The following AGMO variants were observed in gnomAD, a reference collection of about 807,000 sequenced individuals.
AGMO encodes glyceryl-ether monooxygenase.
A neutral mutation model predicts 60.2 loss-of-function variants in AGMO; 75 were observed. The observed-to-expected ratio is 1.25, with a 90% CI of 1.03 to 1.51. The LOEUF is 1.51. Among genes scored for constraint, AGMO ranks in the 40% most tolerant of loss-of-function variants. The pLI, the probability that AGMO is intolerant of heterozygous loss-of-function variation, is 0.00. For missense variants in AGMO, 763 were observed against 525.5 expected, an observed-to-expected ratio of 1.45 and a Z score of -4.42; for synonymous variants, 261 against 177.1, an observed-to-expected ratio of 1.47 and a Z score of -3.76.
At chr7:15,127,438 A>G in the AGMO span, among the ~76,000 whole-genome samples, 1 of 152,246 alleles carries the variant, frequency 6.6e-6, no homozygotes, top group Non-Finnish European at 1.5e-5. Flanking sequence ...ATCTTCAGAA[A>G]AAAATTATCT....
rs183917867 is a variant in AGMO at position 15,296,507 on chromosome 7, C to A, written c.1263+69007G>T. On this transcript the variant is annotated intron_variant, in intron 12 of 12. Coordinates refer to ENST00000342526, the MANE Select transcript of AGMO (RefSeq NM_001004320.2). ...TAAATTCCCTTGCTCACAGTGCCAT[C>A]CTTTCCAAGAGAAGACAGCCACTCT... Among the ~76,000 whole-genome samples the A allele has an allele frequency of 3.9e-5, 6 of 152,260 alleles. No individual in the cohort carries two copies. The East Asian group carries it at 1.2e-3, about 29-fold the overall frequency.
At chr7:15,403,162 G>C (rs927743316) in intron 5 of AGMO, among the ~76,000 whole-genome samples, 5 of 151,596 alleles carry the variant, frequency 3.3e-5, no homozygotes, top group African/African-American at 4.8e-5. Flanking sequence ...ACTTATAATT[G>C]GCACAAGCAT....
At chr7:15,155,625 T>C in the AGMO span, among the ~76,000 whole-genome samples, 5 of 151,980 alleles carry the variant, frequency 3.3e-5, no homozygotes, top group East Asian at 9.7e-4. Context: ...CTGAATTCTG[T>C]GTTTGTCATT....
intron 3 of AGMO, among the ~76,000 whole-genome samples, chr7:15,527,613 G>C (rs1437342297): frequency 6.6e-6 from 1 of 152,166 alleles, no homozygotes; most frequent in Non-Finnish European, 1.5e-5. Flanking sequence ...ACCATTCAAG[G>C]TGGCTGCACT....
intron 12 of AGMO, among the ~76,000 whole-genome samples, chr7:15,265,536 C>A (rs1232701132): frequency 1.3e-5 from 2 of 151,712 alleles, no homozygotes; most frequent in East Asian, 1.9e-4. Context: ...AAAAGATATT[C>A]AAAATAACTG....
intron 12 of AGMO, among the ~76,000 whole-genome samples, chr7:15,277,732 G>T (rs1238585433): frequency 6.6e-6 from 1 of 152,156 alleles, no homozygotes; most frequent in Non-Finnish European, 1.5e-5. Flanking sequence ...AGATGGGTAT[G>T]TACTTGATCT....
chr7:15,519,045 G>A (rs1350038688), intron 3 of AGMO, among the ~76,000 whole-genome samples: 1 of 151,458 alleles, frequency 6.6e-6, no homozygotes, highest in Admixed American at 6.6e-5. Flanking sequence ...TAGCCGAACT[G>A]ACAAGCAGAA....
intron 12 of AGMO, among the ~76,000 whole-genome samples, chr7:15,303,491 A>C (rs947971248): frequency 2.0e-5 from 3 of 151,722 alleles, no homozygotes; most frequent in Non-Finnish European, 1.5e-5. Context: ...TCTTTTCTGG[A>C]AACAGGAACA....
intron 2 of AGMO, among the ~76,000 whole-genome samples, chr7:15,553,498 C>T (rs1001351438): frequency 2.0e-5 from 3 of 151,882 alleles, no homozygotes; most frequent in Non-Finnish European, 4.4e-5. Flanking sequence ...ATATGAAGAG[C>T]CTACTAAGTG....
At chr7:15,192,269 C>G in the AGMO span, among the ~76,000 whole-genome samples, 6 of 149,308 alleles carry the variant, frequency 4.0e-5, no homozygotes, top group Middle Eastern at 3.2e-3. Context: ...CCATGCCCCC[C>G]ACATCCTGTA....
At chr7:15,350,689 T>C (rs1216867360) in intron 12 of AGMO, among the ~76,000 whole-genome samples, 1 of 152,156 alleles carries the variant, frequency 6.6e-6, no homozygotes, top group Non-Finnish European at 1.5e-5. Context: ...ATGAGGGATA[T>C]TTTACCTCAG....
At chr7:15,536,914 C>CT (rs200872490) in intron 3 of AGMO, among the ~76,000 whole-genome samples, 17 of 150,826 alleles carry the variant, frequency 1.1e-4, no homozygotes, top group South Asian at 2.1e-4. Flanking sequence ...CTTGATTTGA[C>CT]TTTTTTTTTG....
At chr7:15,393,249 C>T (rs1784223355) in intron 6 of AGMO, among the ~76,000 whole-genome samples, 2 of 152,300 alleles carry the variant, frequency 1.3e-5, no homozygotes, top group Admixed American at 1.3e-4. Flanking sequence ...AGGGACCTGC[C>T]CTTCTTGGAA....
the AGMO span, among the ~76,000 whole-genome samples, chr7:15,118,132 T>G: frequency 5.4e-3 from 795 of 147,148 alleles, 6 homozygotes; most frequent in African/African-American, 0.019. Flanking sequence ...TGCATGAGAG[T>G]CAAGGTTAAA....
chr7:15,395,816 C>A (rs1784352224), intron 5 of AGMO, among the ~76,000 whole-genome samples: 1 of 152,154 alleles, frequency 6.6e-6, no homozygotes, highest in African/African-American at 2.4e-5. Context: ...TAATACAAAA[C>A]TCTTTATCTA....
chr7:15,390,239 T>A (rs1346172833), intron 8 of AGMO, among the ~76,000 whole-genome samples: 1 of 152,046 alleles, frequency 6.6e-6, no homozygotes, highest in Non-Finnish European at 1.5e-5. Flanking sequence ...TCTGTAATAG[T>A]TCCTGACACT....
At chr7:15,428,438 G>A (rs1781131462) in intron 4 of AGMO, among the ~76,000 whole-genome samples, 1 of 152,122 alleles carries the variant, frequency 6.6e-6, no homozygotes, top group Non-Finnish European at 1.5e-5. Context: ...AACATGGCAT[G>A]AGTTTGTAAA....
chr7:15,225,131 G>C (rs576417173), intron 12 of AGMO, among the ~76,000 whole-genome samples: 1 of 150,788 alleles, frequency 6.6e-6, no homozygotes, highest in Non-Finnish European at 1.5e-5. Flanking sequence ...TAAATATATT[G>C]TTTGATACAG....
intron 12 of AGMO, among the ~76,000 whole-genome samples, chr7:15,313,854 A>C (rs1724125762): frequency 6.6e-6 from 1 of 152,078 alleles, no homozygotes; most frequent in Admixed American, 6.6e-5. Context: ...TCTGTAATAA[A>C]AGTTATGCAG....
Sources: allele counts gnomAD v4.1 joint callset (sites outside exome capture counted in the v4.1 genomes callset), GRCh38; gene constraint gnomAD v4.1.1; transcripts MANE v1.5; gene names NCBI Gene and HGNC (gene_info 2026-07-23, HGNC 2026-07-21).